The following DNM3 variants were observed in gnomAD, a reference collection of about 807,000 sequenced individuals.
DNM3 encodes the protein dynamin 3.
In DNM3, 47 loss-of-function variants were observed where a neutral mutation model predicts 101.6. The observed-to-expected ratio is 0.46, with a 90% CI of 0.37 to 0.59. The LOEUF (loss-of-function observed/expected upper bound fraction) is 0.59. Among genes scored for constraint, DNM3 ranks in the 20% least tolerant of loss-of-function variants. The pLI is 0.00. For synonymous variants in DNM3, 385 were observed against 387.9 expected (o/e 0.99, Z 0.09); for missense variants, 849 against 1,085.7 (o/e 0.78, Z 3.06).
chr1:171,977,654 T>G lies in DNM3; in HGVS notation c.236-10002T>G, dbSNP rs566817935. Among the ~76,000 whole-genome samples, 14 of 152,356 alleles carry G rather than the reference T, an allele frequency of 9.2e-5. 1 individual carries two copies. The South Asian group carries it at 2.7e-3, about 29-fold the overall frequency. On this transcript the variant is annotated intron_variant, in intron 2 of 20. Transcript: ENST00000627582. ...CCTTTCAACAGCTTTTGACATCAATTCTTTCTTGAAATTTACTCTATGTCT... is the reference window on the plus strand; with the variant it reads ...CCTTTCAACAGCTTTTGACATCAATGCTTTCTTGAAATTTACTCTATGTCT...
In DNM3 at chr1:172,417,982, A is replaced by G. The variant is rs570134331; in HGVS notation, c.2541-299A>G. Among the ~76,000 whole-genome samples, 9 of 152,324 alleles carry G rather than the reference A, an allele frequency of 5.9e-5. No homozygotes were observed. The East Asian group carries it at 1.7e-3, about 29-fold the overall frequency. The stretch of plus-strand genomic sequence containing the variant: ...TCCCAGTTCTCCTGAATAAGAGTGC[A>G]TGGATTTATCATTCCATGGTGCAAA... On this transcript the variant is annotated intron_variant, in intron 20 of 20. Coordinates refer to the DNM3 transcript ENST00000485254.
chr1:172,365,510 A>G lies in DNM3; in HGVS notation c.1894-13508A>G, dbSNP rs141450579. Among the ~76,000 whole-genome samples, 561 of 152,102 alleles carry G rather than the reference A, an allele frequency of 3.7e-3. 3 individuals carry two copies. Among genetic ancestry groups the G allele is most frequent in the African/African-American group, 0.013 (531 of 41,534 alleles). On this transcript the variant is annotated intron_variant, in intron 17 of 20. Coordinates refer to ENST00000627582, the MANE Select transcript of DNM3 (RefSeq NM_015569.5). ...ATGGCACTGTGGTTATGAGTTTTGA[A>G]AAGGAATTTTTATCTTTTAGAAATA...
At chr1:171,960,480 C>A (rs574587480) in intron 2 of DNM3, among the ~76,000 whole-genome samples, 165 of 152,234 alleles carry the variant, frequency 1.1e-3, no homozygotes, top group African/African-American at 3.9e-3. Flanking sequence ...ATTTGCAGAA[C>A]AAGAGAAAGT....
intron 17 of DNM3, among the ~76,000 whole-genome samples, chr1:172,365,179 T>C (rs2067945085): frequency 1.3e-5 from 2 of 151,948 alleles, no homozygotes. Flanking sequence ...ATTAATGTTT[T>C]AGATAATAAA....
intron 16 of DNM3, among the ~76,000 whole-genome samples, chr1:172,322,510 GCAGCT>G (rs1395737622): frequency 1.3e-5 from 2 of 152,152 alleles, no homozygotes; most frequent in African/African-American, 4.8e-5. Context: ...TCATACTCTT[GCAGCT>G]CAGGGTTGAA....
intron 2 of DNM3, among the ~76,000 whole-genome samples, chr1:171,944,946 C>G (rs1460300279): frequency 1.4e-5 from 2 of 145,598 alleles, no homozygotes; most frequent in Non-Finnish European, 3.0e-5. Flanking sequence ...TCACTGAAGC[C>G]TTGACCTTCT....
chr1:171,991,920 C>T (rs2125632560), intron 4 of DNM3, among the ~76,000 whole-genome samples: 1 of 152,340 alleles, frequency 6.6e-6, no homozygotes, highest in African/African-American at 2.4e-5. Flanking sequence ...TGATACCATT[C>T]AGTCCCTGAT....
At chr1:172,284,510 G>A (rs1023159253) in intron 15 of DNM3, among the ~76,000 whole-genome samples, 36 of 152,092 alleles carry the variant, frequency 2.4e-4, no homozygotes, top group African/African-American at 8.4e-4. Context: ...CCTTATCTCT[G>A]TTCATCGCTA....
intron 13 of DNM3, among the ~76,000 whole-genome samples, chr1:172,105,868 T>G (rs2054976194): frequency 6.6e-6 from 1 of 152,208 alleles, no homozygotes; most frequent in South Asian, 2.1e-4. Flanking sequence ...TATCTTCTAA[T>G]TATTTATTGC....
chr1:172,278,065 A>G (rs16844187), intron 15 of DNM3, among the ~76,000 whole-genome samples: 3,875 of 152,230 alleles, frequency 0.025, 168 homozygotes, highest in African/African-American at 0.087. Context: ...TTTCTGTTAT[A>G]TAAATACAGT....
intron 14 of DNM3, among the ~76,000 whole-genome samples, chr1:172,191,500 CT>C (rs564467428): frequency 6.6e-6 from 1 of 151,856 alleles, no homozygotes; most frequent in African/African-American, 2.4e-5. Flanking sequence ...GCAATGCGGG[CT>C]TTTTTTTGGT....
intron 10 of DNM3, among the ~76,000 whole-genome samples, chr1:172,050,493 A>G (rs2050130213): frequency 6.6e-6 from 1 of 152,206 alleles, no homozygotes; most frequent in African/African-American, 2.4e-5. Flanking sequence ...AACTGACCCA[A>G]TGCAGAAAAG....
intron 13 of DNM3, among the ~76,000 whole-genome samples, chr1:172,100,195 G>A (rs2147871797): frequency 6.6e-6 from 1 of 152,218 alleles, no homozygotes; most frequent in African/African-American, 2.4e-5. Flanking sequence ...ATGAAATTTG[G>A]CTTCTCAAAC....
intron 14 of DNM3, among the ~76,000 whole-genome samples, chr1:172,174,379 G>A (rs371096505): frequency 1.2e-4 from 18 of 151,516 alleles, no homozygotes; most frequent in African/African-American, 2.2e-4. Flanking sequence ...TGGATCCATC[G>A]TGAATATGCT....
intron 14 of DNM3, among the ~76,000 whole-genome samples, chr1:172,182,570 G>T (rs1192074289): frequency 6.6e-6 from 1 of 151,946 alleles, no homozygotes; most frequent in Non-Finnish European, 1.5e-5. Flanking sequence ...TCTGTTTAAG[G>T]ACAAAAATAA....
chr1:172,142,136 A>G (rs1380775150), intron 14 of DNM3: 2 of 152,210 alleles, frequency 1.3e-5, no homozygotes, highest in Non-Finnish European at 2.9e-5. Flanking sequence ...TAATACTTAC[A>G]CTTATTACAT....
chr1:172,292,626 C>T (rs913434723), intron 15 of DNM3, among the ~76,000 whole-genome samples: 2 of 152,056 alleles, frequency 1.3e-5, no homozygotes, highest in African/African-American at 2.4e-5. Flanking sequence ...CACACACACG[C>T]GCGTGCGTAT....
chr1:171,885,275 A>T lies in DNM3; in HGVS notation c.162-36473A>T, dbSNP rs188219172. Among the ~76,000 whole-genome samples, 392 of 152,298 alleles carry T rather than the reference A, an allele frequency of 2.6e-3. 4 individuals are homozygous for T. Among genetic ancestry groups the T allele is most frequent in the African/African-American group, 9.0e-3 (376 of 41,554 alleles). ...ATAAAATTTCTTACCTCCTAAGCAA[A>T]ACATCAAAACATCAAAATTTTATTT... On this transcript the variant is annotated intron_variant, in intron 1 of 20. Transcript: ENST00000627582.
At chr1:172,117,319 T>C (rs1409703827) in intron 13 of DNM3, among the ~76,000 whole-genome samples, 3 of 152,180 alleles carry the variant, frequency 2.0e-5, no homozygotes, top group African/African-American at 7.2e-5. Context: ...TCTTTGTGAC[T>C]GATATGGTTT....
Sources: gnomAD v4.1 joint callset for allele counts (sites outside exome capture counted in the v4.1 genomes callset) on GRCh38, gnomAD v4.1.1 for gene constraint, MANE v1.5 for transcripts, NCBI Gene and HGNC (gene_info 2026-07-23, HGNC 2026-07-21) for gene names.